Variants in GSTT4 observed in about 807,000 individuals in gnomAD.
GSTT4 encodes the protein glutathione S-transferase theta 4.
intron 2 of GSTT4, among the ~76,000 whole-genome samples, chr22:24,002,756 G>A (rs1378738318): frequency 1.5e-5 from 1 of 68,602 alleles, no homozygotes; most frequent in African/African-American, 4.2e-5. Context: ...GCGTGAACCC[G>A]GGAGGCGGAG....
chr22:24,005,342 G>C lies in GSTT4; in HGVS notation c.15C>G (p.Leu5=), dbSNP rs1051167656. The C allele has an allele frequency of 6.5e-6, 1 of 153,498 alleles. No individual in the cohort carries two copies. The highest frequency in any genetic ancestry group is 1.5e-5 in the Non-Finnish European group (1 of 68,692). 9.5% of individuals were successfully genotyped at this position (153,498 alleles called of 1,614,324 possible). A position where few individuals can be genotyped will look rare whatever the true frequency, so the allele number is the denominator to read the frequency against. MALE[L]YMDLLSAPCR... ...AGGGTGCTGACAGCAGGTCCATGTAGAGCTCCAGTGCCATGTTGAGACACA... is the reference window on the plus strand; with the variant it reads ...AGGGTGCTGACAGCAGGTCCATGTACAGCTCCAGTGCCATGTTGAGACACA... Residue 5 remains leucine (L), a synonymous_variant, in exon 1 of 5, where the codon CTC becomes CTG. Transcript: ENST00000621179.
chr22:24,004,402 GC>G (rs1249828673), intron 1 of GSTT4: 1 of 152,852 alleles, frequency 6.5e-6, no homozygotes, highest in Non-Finnish European at 1.5e-5. Flanking sequence ...TCCACTCGCA[GC>G]CCGTTCATTT....
At chr22:23,989,923 C>G in the GSTT4 span, among the ~76,000 whole-genome samples, 2 of 151,292 alleles carry the variant, frequency 1.3e-5, no homozygotes, top group Admixed American at 1.3e-4. Flanking sequence ...CATTCTCCCT[C>G]CACAGACTGC....
downstream of GSTT4, among the ~76,000 whole-genome samples, chr22:23,994,956 T>G (rs1179637838): frequency 6.6e-6 from 1 of 152,108 alleles, no homozygotes; most frequent in Non-Finnish European, 1.5e-5. Flanking sequence ...AGGTAAGAGA[T>G]GTAAAATTGC....
intron 1 of GSTT4, chr22:24,004,460 T>A: frequency 6.5e-6 from 1 of 153,444 alleles, no homozygotes; most frequent in Non-Finnish European, 1.5e-5. Context: ...GCTTCTGCTT[T>A]TGCAGGCTGA....
intron 4 of GSTT4, 128 bp downstream of exon 4, chr22:23,999,947 C>G (rs1269399099): frequency 6.5e-6 from 1 of 154,178 alleles, no homozygotes; most frequent in Admixed American, 6.5e-5. Flanking sequence ...GCCTGGTTCC[C>G]GCAGCCCCCA....
At chr22:23,992,163 T>C in the GSTT4 span, among the ~76,000 whole-genome samples, 1 of 138,016 alleles carries the variant, frequency 7.2e-6, no homozygotes, top group Non-Finnish European at 1.6e-5. Context: ...GGTGGCTGAC[T>C]GCCTGCGGGG....
At chr22:24,002,880 C>T (rs1031976931) in intron 2 of GSTT4, among the ~76,000 whole-genome samples, 2 of 151,674 alleles carry the variant, frequency 1.3e-5, no homozygotes, top group African/African-American at 4.9e-5. Flanking sequence ...AAACAAACTG[C>T]CAAGAAAATG....
At chr22:24,002,564 C>T (rs1464343391) in intron 2 of GSTT4, among the ~76,000 whole-genome samples, 1 of 36,532 alleles carries the variant, frequency 2.7e-5, no homozygotes, top group Non-Finnish European at 8.3e-5. Context: ...GGCACGGTGG[C>T]TCACGCCTGT....
At chr22:23,989,745 G>A in the GSTT4 span, among the ~76,000 whole-genome samples, 2 of 150,702 alleles carry the variant, frequency 1.3e-5, no homozygotes, top group Admixed American at 1.3e-4. Flanking sequence ...TCCCCACTGG[G>A]GGTTCCCAGG....
chr22:23,995,066 ACAGCT>A (rs1272010752), downstream of GSTT4, among the ~76,000 whole-genome samples: 1 of 152,114 alleles, frequency 6.6e-6, no homozygotes, highest in Non-Finnish European at 1.5e-5. Context: ...TAATGGGCAG[ACAGCT>A]TCCTCCATGA....
chr22:23,996,990 A>C (rs2034123001), downstream of GSTT4, among the ~76,000 whole-genome samples: 1 of 142,484 alleles, frequency 7.0e-6, no homozygotes, highest in African/African-American at 2.6e-5. Flanking sequence ...TTTAAAAATA[A>C]TTAATATTTT....
intron 2 of GSTT4, among the ~76,000 whole-genome samples, chr22:24,003,328 A>C (rs1328388235): frequency 1.3e-5 from 2 of 149,916 alleles, no homozygotes; most frequent in Admixed American, 1.3e-4. Flanking sequence ...TTTCCGCCTC[A>C]GCCTCCCGAG....
downstream of GSTT4, among the ~76,000 whole-genome samples, chr22:23,996,940 C>G (rs183551087): frequency 1.8e-3 from 271 of 152,166 alleles, no homozygotes; most frequent in Non-Finnish European, 3.0e-3. Flanking sequence ...TTGAATTCAC[C>G]AGGGAAGCCA....
rs1450889269 is a variant in GSTT4, at chr22:24,003,580, G to A, written c.200+180C>T. On this transcript the variant is annotated intron_variant, in intron 2 of 4. Coordinates refer to ENST00000621179, the MANE Select transcript of GSTT4 (RefSeq NM_001358664.2). ...AGAAATGATGTAAACTGGACCCCAA[G>A]TTGGCAAGAGTCAGAGCTGGGCGAT... Among the ~76,000 whole-genome samples, 4 of 152,416 alleles carry A rather than the reference G, an allele frequency of 2.6e-5. No homozygotes were observed. In the East Asian group the frequency reaches 5.8e-4, roughly 22 times the overall value.
intron 2 of GSTT4, among the ~76,000 whole-genome samples, chr22:24,001,664 C>T (rs1392005546): frequency 6.6e-6 from 1 of 152,256 alleles, no homozygotes; most frequent in Non-Finnish European, 1.5e-5. Flanking sequence ...TGCACTCCAG[C>T]TTGGGTGAAA....
chr22:23,990,981 G>A, the GSTT4 span, among the ~76,000 whole-genome samples: 2 of 100,520 alleles, frequency 2.0e-5, 1 homozygote, highest in Non-Finnish European at 4.7e-5. Flanking sequence ...GGCCAGCCTC[G>A]GAAACACAGC....
At chr22:24,001,002 A>C (rs2034218426) in intron 3 of GSTT4, among the ~76,000 whole-genome samples, 173 bp downstream of exon 3, 1 of 103,626 alleles carries the variant, frequency 9.7e-6, no homozygotes, top group Non-Finnish European at 1.9e-5. Context: ...GTTTCAGTCC[A>C]CACTCCTGAC....
At chr22:23,990,515 C>T in the GSTT4 span, among the ~76,000 whole-genome samples, 2 of 94,090 alleles carry the variant, frequency 2.1e-5, 1 homozygote, top group African/African-American at 6.7e-5. Context: ...AACTATTCTA[C>T]TTAGGAGGAG....
Sources: gnomAD v4.1 joint callset for allele counts (sites outside exome capture counted in the v4.1 genomes callset) on GRCh38, gnomAD v4.1.1 for gene constraint, MANE v1.5 for transcripts, NCBI Gene and HGNC (gene_info 2026-07-23, HGNC 2026-07-21) for gene names.